The following TECRL variants were observed in gnomAD, a reference collection of about 807,000 sequenced individuals.
TECRL encodes trans-2,3-enoyl-CoA reductase-like.
In TECRL, 63 loss-of-function variants were observed where a neutral mutation model predicts 52.8. That is an observed-to-expected ratio of 1.19 (90% confidence interval 0.97 to 1.47). The LOEUF is 1.47. Ranked by LOEUF, TECRL falls within the 40% of genes most tolerant of loss-of-function variation. The pLI, the probability that TECRL is intolerant of heterozygous loss-of-function variation, is 0.00. For missense variants in TECRL, 482 were observed against 429.6 expected (o/e 1.12, Z -1.08); for synonymous variants, 164 against 141.9 (o/e 1.16, Z -1.10).
intron 8 of TECRL, among the ~76,000 whole-genome samples, chr4:64,295,877 T>C (rs1026550508): frequency 6.6e-6 from 1 of 151,942 alleles, no homozygotes; most frequent in Admixed American, 6.6e-5. Flanking sequence ...ATTAGTCAAC[T>C]AGTTTGCAAA....
chr4:64,319,179 A>G (rs2110022306), intron 4 of TECRL, among the ~76,000 whole-genome samples: 1 of 152,022 alleles, frequency 6.6e-6, no homozygotes. Context: ...CACAAAGGTA[A>G]TAGAAAAGAC....
chr4:64,281,260 T>G (rs10000773), intron 10 of TECRL, among the ~76,000 whole-genome samples, 174 bp from the exon 11 acceptor site: 2 of 151,936 alleles, frequency 1.3e-5, no homozygotes, highest in Admixed American at 6.6e-5. Context: ...GCAATCTCAT[T>G]AAATGGGATC....
chr4:64,287,131 C>G (rs1206043750), intron 9 of TECRL, among the ~76,000 whole-genome samples: 1 of 152,076 alleles, frequency 6.6e-6, no homozygotes, highest in African/African-American at 2.4e-5. Context: ...CAAACTACAA[C>G]AGCATTGGCC....
At chr4:64,403,431 A>C (rs1724492168) in intron 1 of TECRL, among the ~76,000 whole-genome samples, 1 of 151,340 alleles carries the variant, frequency 6.6e-6, no homozygotes, top group Non-Finnish European at 1.5e-5. Flanking sequence ...AAAGCAAGCT[A>C]GCAAGCAAGC....
At chr4:64,400,223 G>T (rs1724258066) in intron 1 of TECRL, among the ~76,000 whole-genome samples, 1 of 152,168 alleles carries the variant, frequency 6.6e-6, no homozygotes. Flanking sequence ...GTTCTACTAG[G>T]TTTTGGACTT....
chr4:64,406,179 T>C (rs1184420048), intron 1 of TECRL, among the ~76,000 whole-genome samples: 2 of 150,664 alleles, frequency 1.3e-5, no homozygotes, highest in African/African-American at 4.8e-5. Context: ...TGTGTGTGTG[T>C]GTATGTGTGT....
intron 1 of TECRL, among the ~76,000 whole-genome samples, chr4:64,395,633 T>C (rs903153408): frequency 2.0e-5 from 3 of 152,152 alleles, no homozygotes; most frequent in African/African-American, 7.2e-5. Flanking sequence ...AAAATACAAA[T>C]ACATTATATA....
At chr4:64,309,803 T>C (rs765428032) in intron 6 of TECRL, 23 bp downstream of exon 6, 61 of 1,435,442 alleles carry the variant, frequency 4.2e-5, no homozygotes, top group Non-Finnish European at 5.6e-5. Context: ...TCAATCATTA[T>C]TAAAAACACA....
chr4:64,301,843 AAG>A (rs1321937630), intron 7 of TECRL, among the ~76,000 whole-genome samples: 1 of 151,264 alleles, frequency 6.6e-6, no homozygotes, highest in Non-Finnish European at 1.5e-5. Context: ...GTATCGAGTG[AAG>A]AGTCTAATAT....
chr4:64,337,374 G>T (rs1472496689), intron 2 of TECRL, among the ~76,000 whole-genome samples: 1 of 152,166 alleles, frequency 6.6e-6, no homozygotes, highest in South Asian at 2.1e-4. Flanking sequence ...CACAAGACAG[G>T]AATGCCCTCT....
rs1723928027 is a variant in TECRL at position 64,300,094 on chromosome 4, G to A, written c.731-77C>T. On this transcript the variant is annotated intron_variant, in intron 7 of 11. Transcript: ENST00000381210. Reference sequence around the variant, plus strand: ...CAAATATATAGACATAATTCAGGCAGTATTTATTGGGTATAAATTCTATAA... The same window carrying A: ...CAAATATATAGACATAATTCAGGCAATATTTATTGGGTATAAATTCTATAA... The A allele has an allele frequency of 1.3e-5, 14 of 1,084,488 alleles. No homozygotes were observed. In the South Asian group the frequency reaches 1.8e-4, roughly 14 times the overall value. 67.2% of individuals were successfully genotyped at this position (1,084,488 alleles called of 1,614,324 possible). A position where few individuals can be genotyped will look rare whatever the true frequency, so the allele number is the denominator to read the frequency against.
At chr4:64,388,126 T>C (rs1156917208) in intron 1 of TECRL, among the ~76,000 whole-genome samples, 1 of 151,736 alleles carries the variant, frequency 6.6e-6, no homozygotes, top group Non-Finnish European at 1.5e-5. Flanking sequence ...TCTATAGTTT[T>C]GTTTATAGTT....
intron 2 of TECRL, among the ~76,000 whole-genome samples, chr4:64,341,546 A>G (rs766807066): frequency 3.9e-5 from 6 of 152,086 alleles, no homozygotes; most frequent in Non-Finnish European, 5.9e-5. Context: ...GTGAGGTTTC[A>G]GTGAGCTGAG....
At chr4:64,392,961 A>G (rs922543460) in intron 1 of TECRL, among the ~76,000 whole-genome samples, 1 of 151,886 alleles carries the variant, frequency 6.6e-6, no homozygotes, top group Non-Finnish European at 1.5e-5. Flanking sequence ...TCCTAGCATC[A>G]AGTTATATAC....
intron 1 of TECRL, among the ~76,000 whole-genome samples, chr4:64,394,711 A>G (rs933405429): frequency 3.9e-5 from 6 of 152,126 alleles, no homozygotes; most frequent in African/African-American, 1.4e-4. Flanking sequence ...GGAGAGTAAA[A>G]TGGAAATAGG....
At chr4:64,398,225 G>A (rs1183825862) in intron 1 of TECRL, among the ~76,000 whole-genome samples, 1 of 152,010 alleles carries the variant, frequency 6.6e-6, no homozygotes, top group Non-Finnish European at 1.5e-5. Context: ...TCTTATGGAA[G>A]GTTGTATTTC....
intron 2 of TECRL, among the ~76,000 whole-genome samples, chr4:64,335,314 T>C (rs1718980637): frequency 6.6e-6 from 1 of 152,176 alleles, no homozygotes; most frequent in African/African-American, 2.4e-5. Flanking sequence ...GGACTGTGCA[T>C]GTGAGGAATC....
At chr4:64,408,601 AG>A (rs776741044) in intron 1 of TECRL, among the ~76,000 whole-genome samples, 1 of 152,064 alleles carries the variant, frequency 6.6e-6, no homozygotes, top group Non-Finnish European at 1.5e-5. Context: ...ATAAAAAGTG[AG>A]GTAGTCACTT....
chr4:64,361,321 G>A (rs920042257), intron 2 of TECRL, among the ~76,000 whole-genome samples: 2 of 152,138 alleles, frequency 1.3e-5, no homozygotes, highest in Non-Finnish European at 2.9e-5. Flanking sequence ...CCTACCTGAT[G>A]AACCTGTCAT....
Sources: gnomAD v4.1 joint callset for allele counts (sites outside exome capture counted in the v4.1 genomes callset) on GRCh38, gnomAD v4.1.1 for gene constraint, MANE v1.5 for transcripts, NCBI Gene and HGNC (gene_info 2026-07-23, HGNC 2026-07-21) for gene names.